Variants in KCNIP4 observed in about 807,000 individuals in gnomAD.
The protein encoded by KCNIP4 is Kv channel-interacting protein 4.
In KCNIP4, 12 loss-of-function variants were observed where a neutral mutation model predicts 34.0. The ratio of observed to expected loss-of-function variants is 0.35; its 90% CI spans 0.23 to 0.57. KCNIP4 has a LOEUF of 0.57. KCNIP4 is among the 20% of genes least tolerant of loss of function. KCNIP4 has a pLI of 0.83. For synonymous variants in KCNIP4, 124 were observed against 102.2 expected, an observed-to-expected ratio of 1.21 and a Z score of -1.29; for missense variants, 238 against 311.7, an observed-to-expected ratio of 0.76 and a Z score of 1.78.
At chr4:21,441,211 G>A (rs915331176) in intron 1 of KCNIP4, among the ~76,000 whole-genome samples, 1 of 149,244 alleles carries the variant, frequency 6.7e-6, no homozygotes, top group African/African-American at 2.5e-5. Flanking sequence ...GCGTGATCTC[G>A]GCTCACTGCA....
intron 3 of KCNIP4, among the ~76,000 whole-genome samples, chr4:20,829,959 T>G (rs1718222129): frequency 6.6e-6 from 1 of 152,130 alleles, no homozygotes; most frequent in African/African-American, 2.4e-5. Flanking sequence ...TCTCTTCGGA[T>G]GTCTAAGAGA....
At chr4:20,734,793 A>ACAAAAAAAAC in intron 5 of KCNIP4, 58 bp from the exon 6 acceptor site, 1 of 981,856 alleles carries the variant, frequency 1.0e-6, no homozygotes, top group East Asian at 2.5e-5. Context: ...AAAAACAAAA[A>ACAAAAAAAAC]AAACAAATGA....
At chr4:20,845,345 T>TGATC (rs372585453) in intron 3 of KCNIP4, among the ~76,000 whole-genome samples, 140 of 152,308 alleles carry the variant, frequency 9.2e-4, no homozygotes, top group African/African-American at 3.1e-3. Flanking sequence ...CTACCCTAAC[T>TGATC]GATCAATCAA....
chr4:21,253,597 TA>T (rs1760867238), intron 1 of KCNIP4, among the ~76,000 whole-genome samples: 1 of 152,220 alleles, frequency 6.6e-6, no homozygotes, highest in Non-Finnish European at 1.5e-5. Context: ...TAGATAGTGT[TA>T]AAATTACATA....
intron 1 of KCNIP4, among the ~76,000 whole-genome samples, chr4:21,785,962 T>C (rs534301903): frequency 3.9e-5 from 6 of 152,314 alleles, no homozygotes; most frequent in East Asian, 1.9e-4. Flanking sequence ...CTCTTTTTAT[T>C]TGAGGGGCAG....
intron 1 of KCNIP4, among the ~76,000 whole-genome samples, chr4:21,873,582 C>G (rs76775124): frequency 0.029 from 4,397 of 152,262 alleles, 135 homozygotes; most frequent in African/African-American, 0.073. Context: ...ACTGAATTCA[C>G]TGTTGAAAGA....
chr4:20,876,844 T>G (rs917624178), intron 2 of KCNIP4, among the ~76,000 whole-genome samples: 4 of 152,134 alleles, frequency 2.6e-5, no homozygotes, highest in Non-Finnish European at 4.4e-5. Flanking sequence ...AGTGCTGGGA[T>G]TACAGGCGTG....
rs564478807 is a variant in KCNIP4 at position 21,628,083 on chromosome 4, A to G, written c.61+320488T>C. On this transcript the variant is annotated intron_variant, in intron 1 of 8. Coordinates refer to ENST00000382152, the MANE Select transcript of KCNIP4 (RefSeq NM_025221.6). Reference sequence around the variant, plus strand: ...ATATTGGTTTATTATAAGTTACATGAGCCTGGATTCCTCTGTAAGTATTGC... The same window carrying G: ...ATATTGGTTTATTATAAGTTACATGGGCCTGGATTCCTCTGTAAGTATTGC... 5.8e-4 allele frequency among the ~76,000 whole-genome samples: 88 copies of G among 152,258 alleles called. 1 individual carries two copies. The highest frequency in any genetic ancestry group is 1.9e-3 in the African/African-American group (81 of 41,540).
In KCNIP4 at chr4:21,166,744, G is replaced by C. The variant is rs575850950; in HGVS notation, c.62-284035C>G. 2.0e-5 allele frequency among the ~76,000 whole-genome samples: 3 copies of C among 152,024 alleles called. No homozygotes were observed. The East Asian group carries it at 5.8e-4, about 30-fold the overall frequency. The stretch of plus-strand genomic sequence containing the variant: ...ACTTGAGGTCAGGAGTTCAAAACCA[G>C]CCTTGCCAACATGGCAAAACCCCGT... On this transcript the variant is annotated intron_variant, in intron 1 of 8. Transcript: ENST00000382152.
chr4:21,471,380 T>A (rs943623788), intron 1 of KCNIP4, among the ~76,000 whole-genome samples: 33 of 152,168 alleles, frequency 2.2e-4, no homozygotes, highest in African/African-American at 7.5e-4. Context: ...TTTGACTTCC[T>A]ACTTCTGGGT....
intron 1 of KCNIP4, among the ~76,000 whole-genome samples, chr4:21,248,989 T>A (rs1760490232): frequency 6.6e-6 from 1 of 152,184 alleles, no homozygotes; most frequent in Admixed American, 6.5e-5. Flanking sequence ...TTGGTAAGTA[T>A]CATGTGATTT....
chr4:21,742,286 C>G (rs1167575551), intron 1 of KCNIP4, among the ~76,000 whole-genome samples: 1 of 152,058 alleles, frequency 6.6e-6, no homozygotes, highest in Non-Finnish European at 1.5e-5. Context: ...GAGAAAGTCT[C>G]CTTTGCAGAT....
At chr4:20,923,724 T>A (rs1326028687) in intron 1 of KCNIP4, among the ~76,000 whole-genome samples, 1 of 152,214 alleles carries the variant, frequency 6.6e-6, no homozygotes, top group Non-Finnish European at 1.5e-5. Context: ...GTGGTCCGAT[T>A]TAAGCCTTCT....
chr4:21,077,804 AATT>A (rs1224734159), intron 1 of KCNIP4, among the ~76,000 whole-genome samples: 3 of 152,108 alleles, frequency 2.0e-5, no homozygotes, highest in Non-Finnish European at 4.4e-5. Context: ...TTGTTATTAC[AATT>A]ATTATAAAAC....
intron 1 of KCNIP4, among the ~76,000 whole-genome samples, chr4:21,364,257 A>G (rs1719504081): frequency 6.6e-6 from 1 of 152,136 alleles, no homozygotes. Flanking sequence ...TACACCTATC[A>G]ATGCATCCAA....
At chr4:21,786,171 T>G (rs1005038902) in intron 1 of KCNIP4, among the ~76,000 whole-genome samples, 7 of 152,174 alleles carry the variant, frequency 4.6e-5, no homozygotes, top group African/African-American at 1.7e-4. Context: ...ATGGTCTCGA[T>G]CTGTTGACCT....
chr4:21,324,951 T>A (rs1560291302), intron 1 of KCNIP4, among the ~76,000 whole-genome samples: 1 of 151,992 alleles, frequency 6.6e-6, no homozygotes, highest in Non-Finnish European at 1.5e-5. Flanking sequence ...GTTTTATGGT[T>A]TTCATTGTAG....
chr4:21,077,155 A>T (rs1745563737), intron 1 of KCNIP4, among the ~76,000 whole-genome samples: 1 of 151,908 alleles, frequency 6.6e-6, no homozygotes, highest in African/African-American at 2.4e-5. Context: ...TTAAATAAAT[A>T]AAAATTAAAA....
intron 1 of KCNIP4, among the ~76,000 whole-genome samples, chr4:21,225,375 T>C (rs538836663): frequency 3.8e-4 from 58 of 152,310 alleles, no homozygotes; most frequent in Non-Finnish European, 5.0e-4. Context: ...TGTGTTTGAA[T>C]TTGGGCTCCA....
Sources: gnomAD v4.1 joint callset for allele counts (sites outside exome capture counted in the v4.1 genomes callset) on GRCh38, gnomAD v4.1.1 for gene constraint, MANE v1.5 for transcripts, NCBI Gene and HGNC (gene_info 2026-07-23, HGNC 2026-07-21) for gene names.